Variants in MED23 observed in about 807,000 individuals in gnomAD.
The protein encoded by MED23 is mediator of RNA polymerase II transcription subunit 23.
Under a neutral mutation model 163.9 loss-of-function variants are expected in MED23, and 105 were observed. The ratio of observed to expected loss-of-function variants is 0.64; its 90% confidence interval spans 0.55 to 0.75. The LOEUF (loss-of-function observed/expected upper bound fraction) is 0.75, where lower values mean the gene tolerates loss of function less well. Among genes scored for constraint, MED23 ranks in the 30% least tolerant of loss-of-function variants. The pLI is 0.00. For missense variants in MED23, 1,054 were observed against 1,649.0 expected (o/e 0.64, Z 6.25); for synonymous variants, 561 against 565.6 (o/e 0.99, Z 0.12).
In MED23 at chr6:131,610,182, C is replaced by T. The variant is rs1368025107; in HGVS notation, c.941G>A (p.Arg314Gln). 4 of 1,613,992 alleles carry T rather than the reference C, an allele frequency of 2.5e-6. No homozygotes were observed. Among genetic ancestry groups the T allele is most frequent in the South Asian group, 1.1e-5 (1 of 91,076 alleles). The change falls in exon 11 of 29, where the codon CGA becomes CAA. Residue 314 changes from arginine to glutamine, a missense_variant. This residue lies in a region of MED23 where 61 missense variants were observed against 154.2 expected (regional missense o/e 0.40). Coordinates refer to ENST00000368068, the MANE Select transcript of MED23 (RefSeq NM_004830.4). Reference sequence around the variant, plus strand: ...GTCAAACTTCTCCTCGGTCTCAGATCGCTCCATGGCATAAACAACCAGATC... The same window carrying T: ...GTCAAACTTCTCCTCGGTCTCAGATTGCTCCATGGCATAAACAACCAGATC... The part of the protein sequence containing the change: ...LVDLVVYAME[R>Q]SETEEKFDDG...
At position 131,587,536 on chromosome 6, in the gene MED23, T is replaced by C; in HGVS notation, c.*143A>G. ...GAGTTATAAGGTGTCAACAGATTCATCATTTGAATCAAAATAAAACAATCT... is the reference window on the plus strand; with the variant it reads ...GAGTTATAAGGTGTCAACAGATTCACCATTTGAATCAAAATAAAACAATCT... On this transcript the variant is annotated 3_prime_UTR_variant, in exon 29 of 29. Coordinates refer to ENST00000368068, the MANE Select transcript of MED23 (RefSeq NM_004830.4). 6.6e-7 allele frequency: 1 copy of C among 1,506,156 alleles called. No homozygotes were observed. Among genetic ancestry groups the C allele is most frequent in the Non-Finnish European group, 8.9e-7 (1 of 1,127,688 alleles). 93.3% of individuals were successfully genotyped at this position (1,506,156 alleles called of 1,614,324 possible).
chr6:131,589,632 C>G (rs1774439142), intron 27 of MED23, 36 bp from the exon 28 acceptor site: 1 of 1,603,456 alleles, frequency 6.2e-7, no homozygotes, highest in Non-Finnish European at 8.5e-7. Context: ...TTTAAGTGAT[C>G]AAGTGATTCA....
At position 131,610,219 on chromosome 6, in the gene MED23, C is replaced by T; in HGVS notation, c.904G>A (p.Asp302Asn). 6.2e-7 allele frequency: 1 copy of T among 1,613,942 alleles called. No individual in the cohort carries two copies. The highest frequency in any genetic ancestry group is 8.5e-7 in the Non-Finnish European group (1 of 1,179,914). ...TAAACAACCAGATCCACCAACTGGT[C>T]CTCCAGCACAGGGCAGCGCTGCTTG... ...QHKQRCPVLE[D>N]QLVDLVVYAM... The change falls in exon 11 of 29, where the codon GAC (aspartate) becomes AAC (asparagine). Residue 302 changes from aspartate (D) to asparagine (N), a missense_variant. Physicochemically the swap from Asp to Asn is conservative, Grantham distance 23 (BLOSUM62 1). Coordinates refer to ENST00000368068, the MANE Select transcript of MED23 (RefSeq NM_004830.4).
intron 2 of MED23, 45 bp from the exon 3 acceptor site, chr6:131,627,528 G>A (rs1562412499): frequency 6.3e-7 from 1 of 1,592,126 alleles, no homozygotes; most frequent in Non-Finnish European, 8.6e-7. Flanking sequence ...TTTTAAAAAG[G>A]TAATTACACA....
chr6:131,589,876 T>C (rs116038448), intron 27 of MED23, among the ~76,000 whole-genome samples: 1,677 of 152,340 alleles, frequency 0.011, 30 homozygotes, highest in African/African-American at 0.038. Flanking sequence ...ATCCCCTTTC[T>C]AGACACCATC....
Position 131,620,655 on chromosome 6 carries a change from C to T in MED23, c.570G>A (p.Leu190=), listed in dbSNP as rs778767626. ...AGTGTGGAAGTTTGCCTTCAGGATACAGTTTCCTGATCTCAGTGACTGCAA... is the reference window on the plus strand; with the variant it reads ...AGTGTGGAAGTTTGCCTTCAGGATATAGTTTCCTGATCTCAGTGACTGCAA... The part of the protein sequence containing the change: ...AYFAVTEIRK[L]YPEGKLPHWL... Residue 190 remains leucine, a synonymous_variant, in exon 7 of 29, where the codon CTG becomes CTA. Transcript: ENST00000368068. The T allele has an allele frequency of 3.1e-6, 5 of 1,612,410 alleles. No individual in the cohort carries two copies. The highest frequency in any genetic ancestry group is 1.1e-5 in the South Asian group (1 of 91,040).
In MED23 at chr6:131,596,527, A is replaced by T; in HGVS notation, c.2769T>A (p.Asn923Lys). 1 of 1,614,142 alleles carries T rather than the reference A, an allele frequency of 6.2e-7. No homozygotes were observed. Among genetic ancestry groups the T allele is most frequent in the Non-Finnish European group, 8.5e-7 (1 of 1,179,984 alleles). The stretch of plus-strand genomic sequence containing the variant: ...CAATTAGGACTAGTACCTTGTGATA[A>T]TTCATGTGCTTGGTGTGCCAGTCAT... ...LQNDWHTKHM[N>K]YHKKYPEKLY... The change falls in exon 21 of 29, where the codon AAT (asparagine) becomes AAA (lysine). Residue 923 changes from asparagine to lysine, a missense_variant. By Grantham distance (94) the Asn-to-Lys change is moderately conservative. Coordinates refer to ENST00000368068, the MANE Select transcript of MED23 (RefSeq NM_004830.4).
At chr6:131,577,759 G>T (rs1331057559) in intron 30 of MED23, among the ~76,000 whole-genome samples, 1 of 151,758 alleles carries the variant, frequency 6.6e-6, no homozygotes, top group African/African-American at 2.4e-5. Flanking sequence ...AAAAAAAATA[G>T]CTGGGCGTGG....
rs552491120 is a variant in MED23 at position 131,598,090 on chromosome 6, A to AAAAAACAAACAAAAAAAC, written c.2607+179_2607+196dup. 0.01 allele frequency among the ~76,000 whole-genome samples: 1,592 copies of AAAAAACAAACAAAAAAAC among 152,156 alleles called. 28 individuals are homozygous for AAAAAACAAACAAAAAAAC. Among genetic ancestry groups the AAAAAACAAACAAAAAAAC allele is most frequent in the African/African-American group, 0.037 (1,528 of 41,416 alleles). On this transcript the variant is annotated intron_variant, in intron 20 of 28. Transcript: ENST00000368068. This position sits in a 1 kb window ranked among gnomAD's most constrained non-coding sequence, Gnocchi z 4.7. ...GGGCGACAGAGCGAGACCCTGTCTC[A>AAAAAACAAACAAAAAAAC]AAAAACAAACAAAAAAACAAAAACA...
At chr6:131,604,823 C>T (rs1246310337) in intron 14 of MED23, among the ~76,000 whole-genome samples, 1 of 152,110 alleles carries the variant, frequency 6.6e-6, no homozygotes, top group East Asian at 1.9e-4. Context: ...CTTGGAGGCC[C>T]ACAGACAAAT....
intron 17 of MED23, among the ~76,000 whole-genome samples, chr6:131,600,853 C>T (rs977335770): frequency 1.3e-5 from 2 of 152,312 alleles, no homozygotes; most frequent in African/African-American, 4.8e-5. Flanking sequence ...GATGAAAAGG[C>T]TTTGTATTCT....
At chr6:131,581,411 A>T (rs1338827157) in intron 30 of MED23, 1 of 1,594,812 alleles carries the variant, frequency 6.3e-7, no homozygotes, top group Non-Finnish European at 8.6e-7. Context: ...AGTGCAATAG[A>T]ATACTTTTTA....
intron 30 of MED23, among the ~76,000 whole-genome samples, chr6:131,578,568 A>G (rs1773745613): frequency 1.3e-5 from 2 of 152,134 alleles, no homozygotes; most frequent in Admixed American, 1.3e-4. Flanking sequence ...ACATATTCAC[A>G]TATTCTTATT....
chr6:131,625,200 T>TA (rs1052495882), intron 3 of MED23, among the ~76,000 whole-genome samples: 21 of 152,360 alleles, frequency 1.4e-4, no homozygotes, highest in East Asian at 9.6e-4. Flanking sequence ...ATTACATAGA[T>TA]AAAATGCTAC....
In MED23 at chr6:131,627,431, C is replaced by G. The variant is rs372152291; in HGVS notation, c.124G>C (p.Gly42Arg). ...DEKTKLISCLGAFRQFWGGLS... is the reference protein window; with the variant it reads ...DEKTKLISCLRAFRQFWGGLS... The stretch of plus-strand genomic sequence containing the variant: ...CCACCCCAAAACTGTCTGAAGGCCC[C>G]CAAACAGCTAATTAGTTTTGTTTTC... Residue 42 changes from glycine to arginine, a missense_variant, in exon 3 of 29, where the codon GGG (glycine) becomes CGG (arginine). Around this residue, in one of 11 missense-constraint regions of MED23, gnomAD observed 227 missense variants for 235.5 expected, o/e 0.96. Coordinates refer to ENST00000368068, the MANE Select transcript of MED23 (RefSeq NM_004830.4). 6.2e-7 allele frequency: 1 copy of G among 1,613,298 alleles called. No individual in the cohort carries two copies. The highest frequency in any genetic ancestry group is 2.2e-5 in the East Asian group (1 of 44,844).
At position 131,589,594 on chromosome 6, in the gene MED23, A is replaced by C; in HGVS notation, c.3810T>G (p.Ile1270Met). The change falls in exon 28 of 29, where the codon ATT (isoleucine) becomes ATG (methionine). Residue 1270 changes from isoleucine to methionine, a missense_variant and splice_region_variant. By Grantham distance (10) the Ile-to-Met change is conservative. Transcript: ENST00000368068. The stretch of plus-strand genomic sequence containing the variant: ...GCAGCATGTCATAAAACGCCACACC[A>C]ATCTATTTAACAAATAATGTAAAAT... Reference protein sequence around the residue: ...QQERTRCMIEIGVAFYDMLLN... With the variant: ...QQERTRCMIEMGVAFYDMLLN... 1 of 1,613,806 alleles carries C rather than the reference A, an allele frequency of 6.2e-7. No individual in the cohort carries two copies. The highest frequency in any genetic ancestry group is 8.5e-7 in the Non-Finnish European group (1 of 1,179,772).
At chr6:131,605,618 CTG>C in intron 13 of MED23, 133 bp from the exon 14 acceptor site, 1 of 869,508 alleles carries the variant, frequency 1.2e-6, no homozygotes, top group Non-Finnish European at 1.7e-6. Flanking sequence ...ATTATAGTTT[CTG>C]TGTGAAATGT....
At chr6:131,595,165 G>A (rs1288652726) in intron 22 of MED23, among the ~76,000 whole-genome samples, 2 of 152,100 alleles carry the variant, frequency 1.3e-5, no homozygotes, top group African/African-American at 4.8e-5. Context: ...TTCTGTCACT[G>A]ACCCTGCCAC....
chr6:131,593,792 C>T (rs1226362045), intron 23 of MED23, among the ~76,000 whole-genome samples: 1 of 151,990 alleles, frequency 6.6e-6, no homozygotes, highest in Non-Finnish European at 1.5e-5. Flanking sequence ...GCATGTGCTA[C>T]AAAATATAGT....
Sources: allele counts gnomAD v4.1 joint callset (sites outside exome capture counted in the v4.1 genomes callset), GRCh38; gene constraint gnomAD v4.1.1; regional missense constraint gnomAD v4.1.1; non-coding constraint Gnocchi (gnomAD v3.1); transcripts MANE v1.5; gene names NCBI Gene and HGNC (gene_info 2026-07-23, HGNC 2026-07-21).